The following LNX1 variants were observed in gnomAD, a reference collection of about 807,000 sequenced individuals.
The protein encoded by LNX1 is E3 ubiquitin-protein ligase LNX.
Under a neutral mutation model 68.4 loss-of-function variants are expected in LNX1, and 54 were observed. The ratio of observed to expected loss-of-function variants is 0.79; its 90% CI spans 0.63 to 0.99. The LOEUF is 0.99. Among genes scored for constraint, LNX1 ranks in the 50% least tolerant of loss-of-function variants. The pLI, the probability that LNX1 is intolerant of heterozygous loss-of-function variation, is 0.00. For missense variants in LNX1, 906 were observed against 926.4 expected (o/e 0.98, Z 0.29); for synonymous variants, 336 against 350.0 (o/e 0.96, Z 0.45).
chr4:53,577,860 A>G (rs1731596596), intron 1 of LNX1, among the ~76,000 whole-genome samples: 1 of 152,164 alleles, frequency 6.6e-6, no homozygotes, highest in African/African-American at 2.4e-5. Flanking sequence ...GTGCTAATCA[A>G]GTGAGGTTTT....
intron 6 of LNX1, among the ~76,000 whole-genome samples, chr4:53,484,180 G>A (rs1724134025): frequency 6.6e-6 from 1 of 152,166 alleles, no homozygotes; most frequent in African/African-American, 2.4e-5. Context: ...TTGTTTACAA[G>A]CCACCTAGGA....
chr4:53,634,188 T>C (rs748607930), intron 1 of LNX1, among the ~76,000 whole-genome samples: 2 of 151,896 alleles, frequency 1.3e-5, no homozygotes, highest in Non-Finnish European at 2.9e-5. Context: ...ATTGTAATTA[T>C]GATTTTCACA....
chr4:53,536,763 T>C (rs1419624129), intron 2 of LNX1, among the ~76,000 whole-genome samples: 1 of 152,214 alleles, frequency 6.6e-6, no homozygotes, highest in African/African-American at 2.4e-5. Flanking sequence ...TGTTTTTCTA[T>C]AATTAGTTGG....
rs753426499 is a variant in LNX1 at position 53,481,896 on chromosome 4, T to A, written c.1351-42A>T. On this transcript the variant is annotated intron_variant, in intron 6 of 10. Coordinates refer to ENST00000263925, the MANE Select transcript of LNX1 (RefSeq NM_001126328.3). The stretch of plus-strand genomic sequence containing the variant: ...AGGCATTAGCCACTGTCAGTTTCCA[T>A]CCACTGCATTCAGCACCAGGAGCTT... 4.0e-6 allele frequency: 6 copies of A among 1,514,312 alleles called. No homozygotes were observed. In the East Asian group the frequency reaches 1.2e-4, roughly 31 times the overall value. The allele number at this position is 1,514,312 out of a possible 1,614,324, so 93.8% of individuals were successfully genotyped here.
At chr4:53,650,502 G>A (rs2616388) in intron 1 of LNX1, among the ~76,000 whole-genome samples, 123,247 of 152,112 alleles carry the variant, frequency 0.81, 50,255 homozygotes, top group African/African-American at 0.9. Flanking sequence ...TTACAAATGT[G>A]GAAAGGGAGA....
rs1245837275 is a variant in LNX1, at chr4:53,519,102, T to G, written c.381-10875A>C. Among the ~76,000 whole-genome samples, 3 of 152,334 alleles carry G rather than the reference T, an allele frequency of 2.0e-5. No individual in the cohort carries two copies. In the South Asian group the frequency reaches 6.2e-4, roughly 32 times the overall value. ...GGAGGTGGTTGTGGTGGTCCCCACA[T>G]GCCCAGGCTGGCTGTCTCACTGCCC... On this transcript the variant is annotated intron_variant, in intron 2 of 10. Coordinates refer to ENST00000263925, the MANE Select transcript of LNX1 (RefSeq NM_001126328.3).
rs192393124 is a variant in LNX1 at position 53,471,089 on chromosome 4, T to G, written c.1892+5664A>C. ...GGCATCGCACTACCTGACTTCAAAC[T>G]ATACTACAAGGCTACAGTAACCAAA... On this transcript the variant is annotated intron_variant, in intron 9 of 10. Coordinates refer to ENST00000263925, the MANE Select transcript of LNX1 (RefSeq NM_001126328.3). Among the ~76,000 whole-genome samples the G allele has an allele frequency of 1.5e-3, 155 of 104,766 alleles. 2 individuals are homozygous for G. Among genetic ancestry groups the G allele is most frequent in the African/African-American group, 5.2e-3 (146 of 27,848 alleles). The allele number at this position is 104,766 out of a possible 152,430, so 68.7% of individuals were successfully genotyped here. A position where few individuals can be genotyped will look rare whatever the true frequency, so the allele number is the denominator to read the frequency against.
upstream of LNX1, among the ~76,000 whole-genome samples, chr4:53,594,865 C>T (rs540701576): frequency 4.9e-4 from 74 of 152,164 alleles, no homozygotes; most frequent in Non-Finnish European, 9.0e-4. Flanking sequence ...GCACGTGCCA[C>T]CATGCCCTGC....
intron 2 of LNX1, among the ~76,000 whole-genome samples, chr4:53,530,046 T>A (rs1435223): frequency 0.83 from 126,109 of 152,158 alleles, 52,472 homozygotes; most frequent in Admixed American, 0.87. Context: ...TGATATGTTT[T>A]ATCAAGTAAA....
chr4:53,590,323 A>T (rs999836116), intron 1 of LNX1, among the ~76,000 whole-genome samples: 6 of 152,232 alleles, frequency 3.9e-5, no homozygotes, highest in African/African-American at 1.4e-4. Flanking sequence ...CTAACAGATT[A>T]TTCCCTTGCA....
At chr4:53,466,943 C>T (rs1031867859) in intron 9 of LNX1, among the ~76,000 whole-genome samples, 1 of 152,198 alleles carries the variant, frequency 6.6e-6, no homozygotes, top group African/African-American at 2.4e-5. Flanking sequence ...CAAAAGGCAG[C>T]AGTAACCTCT....
chr4:53,589,480 C>T (rs997956371), intron 1 of LNX1, among the ~76,000 whole-genome samples: 2 of 152,166 alleles, frequency 1.3e-5, no homozygotes, highest in African/African-American at 2.4e-5. Flanking sequence ...CTCCAAGCAA[C>T]CTAGGAAAAT....
chr4:53,645,181 T>C (rs1027510998), intron 1 of LNX1, among the ~76,000 whole-genome samples: 2 of 152,148 alleles, frequency 1.3e-5, no homozygotes, highest in African/African-American at 2.4e-5. Flanking sequence ...GGATACACGG[T>C]GGCCCTTACA....
chr4:53,484,483 A>G (rs1724154592), intron 6 of LNX1, among the ~76,000 whole-genome samples: 1 of 152,052 alleles, frequency 6.6e-6, no homozygotes, highest in African/African-American at 2.4e-5. Flanking sequence ...GAATTGCTTG[A>G]ACCCAGAGGG....
chr4:53,624,473 C>T (rs1734001886), intron 1 of LNX1, among the ~76,000 whole-genome samples: 1 of 152,188 alleles, frequency 6.6e-6, no homozygotes, highest in Non-Finnish European at 1.5e-5. Context: ...ATTGTGAGTC[C>T]TCCCCAGCCA....
At position 53,491,602 on chromosome 4, in the gene LNX1, A is replaced by C. The variant is rs562011572; in HGVS notation, c.1350+4421T>G. ...ATATGGTATCTTGGGGACAAATGGC[A>C]CATGAAAGCAGATTTGGTGCTTCTT... On this transcript the variant is annotated intron_variant, in intron 6 of 10. Transcript: ENST00000263925. Among the ~76,000 whole-genome samples, 9 of 152,318 alleles carry C rather than the reference A, an allele frequency of 5.9e-5. No individual in the cohort carries two copies. In the East Asian group the frequency reaches 1.5e-3, roughly 26 times the overall value.
chr4:53,639,657 G>A (rs1388146992), intron 1 of LNX1, among the ~76,000 whole-genome samples: 1 of 152,152 alleles, frequency 6.6e-6, no homozygotes, highest in Non-Finnish European at 1.5e-5. Flanking sequence ...CAAAAGGGCT[G>A]TTTCTTCTGT....
At chr4:53,648,767 C>T (rs1457786351) in intron 1 of LNX1, among the ~76,000 whole-genome samples, 1 of 152,212 alleles carries the variant, frequency 6.6e-6, no homozygotes, top group East Asian at 1.9e-4. Context: ...ACTTTCAGAA[C>T]AGTTTCAAAA....
At chr4:53,542,972 A>C (rs922429502) in intron 2 of LNX1, among the ~76,000 whole-genome samples, 4 of 152,212 alleles carry the variant, frequency 2.6e-5, no homozygotes, top group Non-Finnish European at 4.4e-5. Context: ...CCTGTGCTGT[A>C]GGAATCATTA....
Sources: allele counts gnomAD v4.1 joint callset (sites outside exome capture counted in the v4.1 genomes callset), GRCh38; gene constraint gnomAD v4.1.1; transcripts MANE v1.5; gene names NCBI Gene and HGNC (gene_info 2026-07-23, HGNC 2026-07-21).